ANO5: variants seen among roughly 807,000 people sequenced by gnomAD.
ANO5 encodes the protein anoctamin-5.
A neutral mutation model predicts 121.0 loss-of-function variants in ANO5; 109 were observed. The observed-to-expected ratio is 0.90, with a 90% CI of 0.77 to 1.06. The LOEUF is 1.06. Among genes scored for constraint, ANO5 ranks in the 50% least tolerant of loss-of-function variants. ANO5 has a pLI of 0.00. For synonymous variants in ANO5, 406 were observed against 359.9 expected (o/e 1.13, Z -1.45); for missense variants, 1,064 against 1,078.5 (o/e 0.99, Z 0.19).
At chr11:22,269,321 GAAAA>G (rs1204584818) in intron 17 of ANO5, among the ~76,000 whole-genome samples, 10 of 82,772 alleles carry the variant, frequency 1.2e-4, no homozygotes, top group African/African-American at 6.1e-4. Flanking sequence ...GAAGGAAGGA[GAAAA>G]AAAGAAAGAG....
At chr11:22,271,639 A>T (rs1854615476) in intron 18 of ANO5, among the ~76,000 whole-genome samples, 1 of 151,990 alleles carries the variant, frequency 6.6e-6, no homozygotes, top group Non-Finnish European at 1.5e-5. Flanking sequence ...AGGTTTCATA[A>T]GATTGTTTAC....
At chr11:22,246,592 T>G (rs1266811489) in intron 9 of ANO5, among the ~76,000 whole-genome samples, 2 of 152,028 alleles carry the variant, frequency 1.3e-5, no homozygotes, top group Non-Finnish European at 2.9e-5. Flanking sequence ...ATCTCAGCAC[T>G]TTGGAAGGCC....
intron 2 of ANO5, among the ~76,000 whole-genome samples, chr11:22,205,912 TC>T (rs1411323545): frequency 2.0e-5 from 3 of 152,218 alleles, no homozygotes; most frequent in African/African-American, 7.2e-5. Context: ...TATAATCCAC[TC>T]AACGTTAAAA....
At chr11:22,273,711 CAA>C (rs960959590) in intron 19 of ANO5, among the ~76,000 whole-genome samples, 8 of 151,716 alleles carry the variant, frequency 5.3e-5, no homozygotes, top group African/African-American at 1.9e-4. Context: ...AATTAGAAAA[CAA>C]AAAGCAGTAT....
chr11:22,214,787 G>C (rs1852387214), intron 3 of ANO5, among the ~76,000 whole-genome samples: 2 of 151,994 alleles, frequency 1.3e-5, no homozygotes, highest in Admixed American at 6.6e-5. Context: ...GGAGTGGAGA[G>C]GGAATGTGCT....
chr11:22,252,742 T>A (rs1853869103), intron 12 of ANO5, among the ~76,000 whole-genome samples: 1 of 152,162 alleles, frequency 6.6e-6, no homozygotes, highest in Admixed American at 6.5e-5. Context: ...TAGAAAACGT[T>A]CCCCACTGAG....
In ANO5 at chr11:22,255,530, A is replaced by G. The variant is rs368857740; in HGVS notation, c.1332+8A>G. 2.2e-5 allele frequency: 35 copies of G among 1,612,666 alleles called. No individual in the cohort carries two copies. The African/African-American group carries it at 3.6e-4, about 17-fold the overall frequency. On this transcript the variant is annotated splice_region_variant and intron_variant, in intron 13 of 21. Coordinates refer to ENST00000324559, the MANE Select transcript of ANO5 (RefSeq NM_213599.3). The stretch of plus-strand genomic sequence containing the variant: ...TTGAATGCAGTGACTAAGGTAGACT[A>G]GAAAACTGTGAAACGGACAGCATAT...
Position 22,221,145 on chromosome 11 carries a change from A to G in ANO5, c.229A>G (p.Ile77Val), listed in dbSNP as rs1395879943. ...AGATTCTATCTTCTTCCGAGATGGG[A>G]TTAGGCAAATTGATTTTGTGCTTTC... is the stretch of plus-strand genomic sequence containing the variant. ...SKDSIFFRDGIRQIDFVLSYV... is the reference protein window; with the variant it reads ...SKDSIFFRDGVRQIDFVLSYV... Residue 77 changes from isoleucine to valine, a missense_variant, in exon 5 of 22, where the codon ATT becomes GTT. Ile to Val is a conservative substitution (Grantham distance 29, BLOSUM62 3). Coordinates refer to ENST00000324559, the MANE Select transcript of ANO5 (RefSeq NM_213599.3). 1.2e-6 allele frequency: 2 copies of G among 1,611,876 alleles called. No individual in the cohort carries two copies. The highest frequency in any genetic ancestry group is 2.7e-5 in the African/African-American group (2 of 74,826).
intron 2 of ANO5, among the ~76,000 whole-genome samples, chr11:22,210,416 G>A (rs1341980843): frequency 6.6e-6 from 1 of 151,802 alleles, no homozygotes; most frequent in Non-Finnish European, 1.5e-5. Flanking sequence ...CATTTTATCT[G>A]CTATTTTGAA....
intron 5 of ANO5, 74 bp downstream of exon 5, chr11:22,221,284 G>A: frequency 3.2e-6 from 4 of 1,269,546 alleles, no homozygotes; most frequent in South Asian, 1.3e-5. Flanking sequence ...TATCTGGATT[G>A]AATTATGTTG....
At chr11:22,238,733 T>A (rs1452952226) in intron 8 of ANO5, among the ~76,000 whole-genome samples, 2 of 152,132 alleles carry the variant, frequency 1.3e-5, no homozygotes, top group African/African-American at 2.4e-5. Context: ...TTTATTTATT[T>A]TTTTAACTTT....
intron 10 of ANO5, 37 bp downstream of exon 10, chr11:22,250,408 C>A: frequency 1.9e-6 from 3 of 1,611,078 alleles, no homozygotes; most frequent in Non-Finnish European, 2.5e-6. Flanking sequence ...GAGAAAACAT[C>A]TTTATCTTGT....
intron 4 of ANO5, among the ~76,000 whole-genome samples, chr11:22,219,268 T>G (rs1043427141): frequency 6.6e-6 from 1 of 152,020 alleles, no homozygotes; most frequent in African/African-American, 2.4e-5. Flanking sequence ...AAGGACAGTA[T>G]GTATACCTAT....
chr11:22,193,471 T>G lies in ANO5; in HGVS notation c.-22T>G. ...TCTCCTGCTGCCTCTCAGGCACCAG[T>G]GCCATTAACGAGCTGGCGAAGATGG... On this transcript the variant is annotated 5_prime_UTR_variant, in exon 1 of 22. Transcript: ENST00000324559. 4 of 1,609,806 alleles carry G rather than the reference T, an allele frequency of 2.5e-6. No homozygotes were observed. Among genetic ancestry groups the G allele is most frequent in the East Asian group, 2.2e-5 (1 of 44,682 alleles).
At position 22,274,471 on chromosome 11, in the gene ANO5, A is replaced by G; in HGVS notation, c.2236-98A>G. On this transcript the variant is annotated intron_variant, in intron 19 of 21. Transcript: ENST00000324559. The stretch of plus-strand genomic sequence containing the variant: ...TTATAATAGTATTTAATCATTTTGC[A>G]TCTATATAATTTATGGTACTGAGAG... The G allele has an allele frequency of 1.8e-6, 2 of 1,109,026 alleles. 1 individual carries two copies. The highest frequency in any genetic ancestry group is 3.3e-5 in the South Asian group (2 of 61,108). The allele number at this position is 1,109,026 out of a possible 1,614,324, so 68.7% of individuals were successfully genotyped here. A position where few individuals can be genotyped will look rare whatever the true frequency, so the allele number is the denominator to read the frequency against.
At chr11:22,225,963 G>A (rs1379451350) in intron 5 of ANO5, 21 bp from the exon 6 acceptor site, 8 of 1,560,964 alleles carry the variant, frequency 5.1e-6, no homozygotes, top group African/African-American at 1.4e-5. Context: ...GCATAATTCT[G>A]TTGATTTTTT....
In ANO5 at chr11:22,205,447, A is replaced by G. The variant is rs116393016; in HGVS notation, c.87+1597A>G. On this transcript the variant is annotated intron_variant, in intron 2 of 21. Transcript: ENST00000324559. The stretch of plus-strand genomic sequence containing the variant: ...GAAGATCATATAGGACAGTGATTTT[A>G]TAGTGTAGTTTGCAGATCAATATAC... 2.8e-3 allele frequency among the ~76,000 whole-genome samples: 429 copies of G among 152,182 alleles called. 3 individuals are homozygous for G. Among genetic ancestry groups the G allele is most frequent in the African/African-American group, 9.8e-3 (409 of 41,532 alleles).
intron 2 of ANO5, among the ~76,000 whole-genome samples, chr11:22,206,125 G>A (rs571555029): frequency 6.6e-6 from 1 of 151,912 alleles, no homozygotes; most frequent in East Asian, 1.9e-4. Flanking sequence ...GGATCCCTAC[G>A]TAACTTTGAT....
intron 3 of ANO5, among the ~76,000 whole-genome samples, chr11:22,214,046 C>T (rs1322617009): frequency 6.6e-6 from 1 of 151,748 alleles, no homozygotes; most frequent in African/African-American, 2.4e-5. Context: ...CAGGAGTACA[C>T]CACCACATCC....
Sources: gnomAD v4.1 joint callset for allele counts (sites outside exome capture counted in the v4.1 genomes callset) on GRCh38, gnomAD v4.1.1 for gene constraint, MANE v1.5 for transcripts, NCBI Gene and HGNC (gene_info 2026-07-23, HGNC 2026-07-21) for gene names.